The following GALNTL6 variants were observed in gnomAD, a reference collection of about 807,000 sequenced individuals.
The protein encoded by GALNTL6 is polypeptide N-acetylgalactosaminyltransferase like 6.
Under a neutral mutation model 73.7 loss-of-function variants are expected in GALNTL6, and 46 were observed. The observed-to-expected ratio is 0.62, with a 90% CI of 0.49 to 0.80. The LOEUF (loss-of-function observed/expected upper bound fraction) is 0.80, where lower values mean the gene tolerates loss of function less well. Among genes scored for constraint, GALNTL6 ranks in the 30% least tolerant of loss-of-function variants. The pLI, the probability that GALNTL6 is intolerant of heterozygous loss-of-function variation, is 0.00. For synonymous variants in GALNTL6, 259 were observed against 263.7 expected, an observed-to-expected ratio of 0.98 and a Z score of 0.17; for missense variants, 604 against 755.0, an observed-to-expected ratio of 0.80 and a Z score of 2.34.
intron 2 of GALNTL6, among the ~76,000 whole-genome samples, chr4:171,909,981 T>G (rs1349289975): frequency 6.6e-5 from 10 of 152,176 alleles, no homozygotes; most frequent in Non-Finnish European, 1.5e-4. Context: ...ATATGAACAA[T>G]AATTGTGAAG....
intron 2 of GALNTL6, among the ~76,000 whole-genome samples, chr4:172,213,539 G>A (rs1736398580): frequency 6.6e-6 from 1 of 152,098 alleles, no homozygotes; most frequent in Non-Finnish European, 1.5e-5. Flanking sequence ...CGTTGTATAT[G>A]CTTATTTTGC....
chr4:172,486,090 A>C (rs1026123476), intron 5 of GALNTL6, among the ~76,000 whole-genome samples: 2 of 152,190 alleles, frequency 1.3e-5, no homozygotes, highest in Non-Finnish European at 2.9e-5. Flanking sequence ...TCAAGATATG[A>C]TGTGCGCTGG....
At chr4:172,066,441 A>G (rs1731366804) in intron 2 of GALNTL6, among the ~76,000 whole-genome samples, 1 of 152,028 alleles carries the variant, frequency 6.6e-6, no homozygotes, top group Admixed American at 6.6e-5. Context: ...TTAGTAAGAT[A>G]AATCTCAAAG....
intron 2 of GALNTL6, among the ~76,000 whole-genome samples, chr4:171,845,598 A>G (rs1372615177): frequency 1.3e-5 from 2 of 152,156 alleles, no homozygotes; most frequent in African/African-American, 2.4e-5. Context: ...CTAACAATTT[A>G]GAAAGTAGAT....
chr4:172,135,739 C>T (rs1451217978), intron 2 of GALNTL6, among the ~76,000 whole-genome samples: 1 of 149,794 alleles, frequency 6.7e-6, no homozygotes, highest in Admixed American at 6.7e-5. Context: ...AGGGGAGATA[C>T]ATTACAAAAT....
chr4:172,428,149 T>C (rs1731297345), intron 5 of GALNTL6, among the ~76,000 whole-genome samples: 1 of 152,114 alleles, frequency 6.6e-6, no homozygotes, highest in Non-Finnish European at 1.5e-5. Flanking sequence ...AACCAAAATT[T>C]TTAGTATAAC....
In GALNTL6 at chr4:172,809,561, C is replaced by T. The variant is rs774303808; in HGVS notation, c.739+15C>T. The stretch of plus-strand genomic sequence containing the variant: ...CCCACTCCTCAGTGAGTACAGGTTG[C>T]TAAGCACCATCCTGGGATGCCTCAG... On this transcript the variant is annotated intron_variant, in intron 6 of 12. Transcript: ENST00000506823. The surrounding 1 kb of genome is among the most constrained non-coding windows in gnomAD (Gnocchi z 4.4). 25 of 1,593,122 alleles carry T rather than the reference C, an allele frequency of 1.6e-5. No individual in the cohort carries two copies. In the South Asian group the frequency reaches 2.8e-4, roughly 18 times the overall value.
In GALNTL6 at chr4:172,402,840, T is replaced by C. The variant is rs116787026; in HGVS notation, c.553+54151T>C. Among the ~76,000 whole-genome samples, 225 of 152,162 alleles carry C rather than the reference T, an allele frequency of 1.5e-3. 1 individual carries two copies. The highest frequency in any genetic ancestry group is 4.8e-3 in the African/African-American group (199 of 41,546). On this transcript the variant is annotated intron_variant, in intron 5 of 12. Coordinates refer to ENST00000506823, the MANE Select transcript of GALNTL6 (RefSeq NM_001034845.3). Reference sequence around the variant, plus strand: ...AGGGTGAAAAGGAACAAATTTAAAGTATACGATTTTTACTATACAGAAAAA... The same window carrying C: ...AGGGTGAAAAGGAACAAATTTAAAGCATACGATTTTTACTATACAGAAAAA...
chr4:172,663,940 A>AAAGG (rs112765641), intron 5 of GALNTL6, among the ~76,000 whole-genome samples: 2 of 147,128 alleles, frequency 1.4e-5, no homozygotes, highest in African/African-American at 5.0e-5. Context: ...AAAAAAAAAA[A>AAAGG]AAAGAAAGAA....
At chr4:172,572,768 A>T (rs992895868) in intron 5 of GALNTL6, among the ~76,000 whole-genome samples, 4 of 152,128 alleles carry the variant, frequency 2.6e-5, no homozygotes, top group African/African-American at 7.2e-5. Flanking sequence ...GTTATTTTAG[A>T]TGCTACCATA....
At chr4:172,759,863 T>C in intron 5 of GALNTL6, among the ~76,000 whole-genome samples, 1 of 119,480 alleles carries the variant, frequency 8.4e-6, no homozygotes. Flanking sequence ...GGAGTCTCGC[T>C]CTGTCGCCCA....
At chr4:172,029,648 C>T (rs1741705724) in intron 2 of GALNTL6, among the ~76,000 whole-genome samples, 1 of 151,968 alleles carries the variant, frequency 6.6e-6, no homozygotes. Flanking sequence ...GTTTTTACTT[C>T]TGTAATAGAA....
At chr4:172,550,039 CA>C (rs1735900996) in intron 5 of GALNTL6, among the ~76,000 whole-genome samples, 1 of 152,088 alleles carries the variant, frequency 6.6e-6, no homozygotes, top group Non-Finnish European at 1.5e-5. Context: ...AACATTGAAG[CA>C]GTGATGAACA....
intron 5 of GALNTL6, among the ~76,000 whole-genome samples, chr4:172,613,175 T>C (rs1738594480): frequency 6.6e-6 from 1 of 152,110 alleles, no homozygotes; most frequent in Admixed American, 6.6e-5. Context: ...ATATAGATGC[T>C]GGGGGAAGGG....
At chr4:172,228,276 A>G in intron 2 of GALNTL6, among the ~76,000 whole-genome samples, 1 of 152,068 alleles carries the variant, frequency 6.6e-6, no homozygotes, top group Non-Finnish European at 1.5e-5. Flanking sequence ...AATTATCAGT[A>G]TTCCTGATAT....
chr4:172,623,226 A>G (rs1267201038), intron 5 of GALNTL6, among the ~76,000 whole-genome samples: 1 of 152,186 alleles, frequency 6.6e-6, no homozygotes, highest in African/African-American at 2.4e-5. Context: ...ATACCCGAAG[A>G]ATCAACTAAA....
At chr4:172,964,453 G>T (rs1421513554) in intron 10 of GALNTL6, among the ~76,000 whole-genome samples, 3 of 152,088 alleles carry the variant, frequency 2.0e-5, no homozygotes. Context: ...ACATCCATTT[G>T]TCACCTTGCG....
chr4:172,853,074 A>T (rs1001200744), intron 7 of GALNTL6, among the ~76,000 whole-genome samples: 1 of 152,228 alleles, frequency 6.6e-6, no homozygotes, highest in Non-Finnish European at 1.5e-5. Flanking sequence ...TGGTTTCTGC[A>T]GGTCAGGAGT....
At chr4:171,849,689 T>C (rs1735467512) in intron 2 of GALNTL6, among the ~76,000 whole-genome samples, 1 of 152,078 alleles carries the variant, frequency 6.6e-6, no homozygotes, top group Non-Finnish European at 1.5e-5. Context: ...TAACTGAAAA[T>C]TTACAAGATA....
Sources: allele counts gnomAD v4.1 joint callset (sites outside exome capture counted in the v4.1 genomes callset), GRCh38; gene constraint gnomAD v4.1.1; non-coding constraint Gnocchi (gnomAD v3.1); transcripts MANE v1.5; gene names NCBI Gene and HGNC (gene_info 2026-07-23, HGNC 2026-07-21).